Variants in ZSCAN5A observed in about 807,000 individuals in gnomAD.
ZSCAN5A encodes zinc finger and SCAN domain-containing protein 5A.
ZSCAN5A carries 12 observed loss-of-function variants against 23.7 expected under a neutral mutation model. The ratio of observed to expected loss-of-function variants is 0.51; its 90% CI spans 0.32 to 0.82. The LOEUF is 0.82. Among genes scored for constraint, ZSCAN5A ranks in the 40% least tolerant of loss-of-function variants. ZSCAN5A has a pLI of 0.03. For missense variants in ZSCAN5A, 597 were observed against 617.9 expected (o/e 0.97, Z 0.36); for synonymous variants, 257 against 239.9 (o/e 1.07, Z -0.66).
chr19:56,350,681 G>A (rs1053495607), intron 2 of ZSCAN5A, among the ~76,000 whole-genome samples: 12 of 152,092 alleles, frequency 7.9e-5, no homozygotes, highest in Non-Finnish European at 1.5e-5. Context: ...ATCCATTGGT[G>A]TAACTAAAAG....
chr19:56,304,785 CT>C (rs761710750), intron 2 of ZSCAN5A: 100 of 985,254 alleles, frequency 1.0e-4, no homozygotes, highest in Non-Finnish European at 1.2e-4. Flanking sequence ...TCACTTTTTC[CT>C]CCCAAGTGTT....
chr19:56,353,120 TGAG>T (rs2041678003), intron 2 of ZSCAN5A, among the ~76,000 whole-genome samples: 1 of 152,152 alleles, frequency 6.6e-6, no homozygotes, highest in Non-Finnish European at 1.5e-5. Flanking sequence ...ACCGCATGGA[TGAG>T]GAGAAGGCAC....
At chr19:56,317,356 T>G (rs1166507833), upstream of ZSCAN5A, 1 of 152,174 alleles carries the variant, frequency 6.6e-6, no homozygotes, top group African/African-American at 2.4e-5. Flanking sequence ...CTTGGCTTCG[T>G]TGAAAGCATC....
chr19:56,256,843 G>C (rs2146806108), intron 2 of ZSCAN5A, among the ~76,000 whole-genome samples: 1 of 152,182 alleles, frequency 6.6e-6, no homozygotes, highest in Middle Eastern at 3.4e-3. Flanking sequence ...TGTTTGAGAA[G>C]CACTGGAAAA....
Position 56,305,918 on chromosome 19 carries a change from C to T in ZSCAN5A, c.-128+7365G>A, listed in dbSNP as rs183610323. On this transcript the variant is annotated intron_variant, in intron 2 of 5. Transcript: ENST00000683990. ...GAAGGAACTGGCTTGTACGAAGGCCCTGGGGTGGAAAGTGGCCTAGATGTG... is the reference window on the plus strand; with the variant it reads ...GAAGGAACTGGCTTGTACGAAGGCCTTGGGGTGGAAAGTGGCCTAGATGTG... Among the ~76,000 whole-genome samples, 493 of 148,234 alleles carry T rather than the reference C, an allele frequency of 3.3e-3. 2 individuals are homozygous for T. The highest frequency in any genetic ancestry group is 0.012 in the African/African-American group (464 of 39,770).
At chr19:56,340,012 GTC>G (rs959336363) in intron 2 of ZSCAN5A, among the ~76,000 whole-genome samples, 41 of 152,268 alleles carry the variant, frequency 2.7e-4, no homozygotes, top group African/African-American at 9.9e-4. Context: ...CTTGGGGAAA[GTC>G]TGAGCATTTT....
chr19:56,365,194 T>C (rs888300995), intron 1 of ZSCAN5A: 1 of 152,210 alleles, frequency 6.6e-6, no homozygotes, highest in African/African-American at 2.4e-5. Flanking sequence ...TGACTAATTA[T>C]TGTTGATCTT....
intron 2 of ZSCAN5A, among the ~76,000 whole-genome samples, chr19:56,260,684 A>G (rs2037065649): frequency 6.6e-6 from 1 of 152,200 alleles, no homozygotes; most frequent in African/African-American, 2.4e-5. Context: ...TAAGTAAACA[A>G]GTTAATATGT....
At chr19:56,238,861 G>C (rs1014202002) in intron 2 of ZSCAN5A, among the ~76,000 whole-genome samples, 4 of 151,508 alleles carry the variant, frequency 2.6e-5, no homozygotes, top group African/African-American at 9.7e-5. Flanking sequence ...ATGAGAACAT[G>C]ACATGTTTCA....
chr19:56,327,174 T>C (rs958214856), intron 2 of ZSCAN5A, among the ~76,000 whole-genome samples: 56 of 152,050 alleles, frequency 3.7e-4, no homozygotes, highest in Non-Finnish European at 1.8e-4. Flanking sequence ...TGGAGTGTAG[T>C]GACACGATCA....
intron 2 of ZSCAN5A, chr19:56,266,391 G>C (rs1003984718): frequency 6.6e-6 from 1 of 152,054 alleles, no homozygotes; most frequent in Non-Finnish European, 1.5e-5. Context: ...GTTGGGGCAG[G>C]TGCCCAAAGA....
chr19:56,319,743 C>A, upstream of ZSCAN5A: 1 of 705,802 alleles, frequency 1.4e-6, no homozygotes, highest in Non-Finnish European at 2.6e-6. Context: ...TTAACAAACA[C>A]AGATCTGCTC....
chr19:56,265,756 T>C (rs752611416), intron 2 of ZSCAN5A, among the ~76,000 whole-genome samples: 4 of 152,206 alleles, frequency 2.6e-5, no homozygotes, highest in African/African-American at 7.2e-5. Context: ...GCATTAAATC[T>C]GCTTCTTCCA....
intron 2 of ZSCAN5A, among the ~76,000 whole-genome samples, chr19:56,339,868 A>C (rs565103822): frequency 4.6e-5 from 7 of 151,974 alleles, no homozygotes; most frequent in African/African-American, 1.7e-4. Context: ...AGCAATATGT[A>C]AAGGAGGAAT....
At chr19:56,308,652 A>G (rs1240218962) in intron 2 of ZSCAN5A, among the ~76,000 whole-genome samples, 1 of 144,018 alleles carries the variant, frequency 6.9e-6, no homozygotes, top group Non-Finnish European at 1.5e-5. Context: ...TTCCCCCCAA[A>G]ACATCACATT....
upstream of ZSCAN5A, among the ~76,000 whole-genome samples, chr19:56,318,206 A>C (rs948337861): frequency 2.0e-5 from 3 of 151,544 alleles, no homozygotes; most frequent in Non-Finnish European, 4.4e-5. Context: ...ATGTGTTTTA[A>C]AGGAAAACAT....
intron 2 of ZSCAN5A, chr19:56,247,179 C>G: frequency 5.3e-6 from 3 of 560,976 alleles, no homozygotes; most frequent in South Asian, 4.5e-5. Context: ...TCACGCAGCT[C>G]TCAGACCTCC....
intron 2 of ZSCAN5A, among the ~76,000 whole-genome samples, chr19:56,258,981 G>C (rs1297954728): frequency 6.6e-6 from 1 of 152,152 alleles, no homozygotes; most frequent in East Asian, 1.9e-4. Flanking sequence ...CATGAGAAGA[G>C]AGAGCTGGTG....
At chr19:56,244,068 G>A in intron 2 of ZSCAN5A, 2 of 1,131,826 alleles carry the variant, frequency 1.8e-6, no homozygotes, top group Non-Finnish European at 2.6e-6. Flanking sequence ...AACTCCTCAT[G>A]GGGTCAGGGA....
Sources: allele counts gnomAD v4.1 joint callset (sites outside exome capture counted in the v4.1 genomes callset), GRCh38; gene constraint gnomAD v4.1.1; transcripts MANE v1.5; gene names NCBI Gene and HGNC (gene_info 2026-07-23, HGNC 2026-07-21).